SNAP29: variants seen among roughly 807,000 people sequenced by gnomAD.
SNAP29 encodes synaptosomal-associated protein 29.
SNAP29 carries 13 observed loss-of-function variants against 27.9 expected under a neutral mutation model. The ratio of observed to expected loss-of-function variants is 0.47; its 90% confidence interval spans 0.30 to 0.74. The LOEUF is 0.74. Among genes scored for constraint, SNAP29 ranks in the 30% least tolerant of loss-of-function variants. The pLI, the probability that SNAP29 is intolerant of heterozygous loss-of-function variation, is 0.06. For missense variants in SNAP29, 368 were observed against 336.5 expected, an observed-to-expected ratio of 1.09 and a Z score of -0.73; for synonymous variants, 119 against 127.1, an observed-to-expected ratio of 0.94 and a Z score of 0.43.
chr22:20,883,814 G>A (rs541389484), intron 4 of SNAP29, among the ~76,000 whole-genome samples: 1 of 152,196 alleles, frequency 6.6e-6, no homozygotes, highest in South Asian at 2.1e-4. Context: ...CAGGGACCCA[G>A]GAGTCCCTGA....
chr22:20,871,773 T>G (rs1178176219), intron 2 of SNAP29, among the ~76,000 whole-genome samples: 2 of 151,926 alleles, frequency 1.3e-5, no homozygotes, highest in African/African-American at 2.4e-5. Flanking sequence ...TCCCAGCTAC[T>G]CGGGAGGCTG....
rs368789710 is a variant in SNAP29 at position 20,887,812 on chromosome 22, A to G, written c.753A>G (p.Thr251=). 1 of 1,614,082 alleles carries G rather than the reference A, an allele frequency of 6.2e-7. No homozygotes were observed. The highest frequency in any genetic ancestry group is 8.5e-7 in the Non-Finnish European group (1 of 1,180,032). The change falls in exon 5 of 5, where the codon ACA becomes ACG. Residue 251 remains threonine (T), a synonymous_variant. Coordinates refer to ENST00000215730, the MANE Select transcript of SNAP29 (RefSeq NM_004782.4). ...AGTTAGATGTCAACATAAAAAGCACAGAAAGAAAAGTTCGACAACTCTGAA... is the reference window on the plus strand; with the variant it reads ...AGTTAGATGTCAACATAAAAAGCACGGAAAGAAAAGTTCGACAACTCTGAA... ...VDKLDVNIKS[T]ERKVRQL is the part of the protein sequence containing the mutation.
chr22:20,869,978 C>G (rs569901339), intron 1 of SNAP29, among the ~76,000 whole-genome samples: 3 of 152,154 alleles, frequency 2.0e-5, no homozygotes, highest in Non-Finnish European at 4.4e-5. Context: ...ACCATGTTGG[C>G]CAGGCTGGTC....
rs575240461 is a variant in SNAP29 at position 20,888,311 on chromosome 22, TCACACACACACACACACA to T, written c.*503_*520del. The T allele has an allele frequency of 9.7e-5, 17 of 174,662 alleles. No individual in the cohort carries two copies. The highest frequency in any genetic ancestry group is 3.0e-4 in the East Asian group (2 of 6,566). The allele number at this position is 174,662 out of a possible 1,614,324, so 10.8% of individuals were successfully genotyped here. The stretch of plus-strand genomic sequence containing the variant: ...CACACCTTTGTTTAGGAGTCATCAT[TCACACACACACACACACA>T]CACACACACACACACACACACACAC... On this transcript the variant is annotated 3_prime_UTR_variant, in exon 5 of 5. Transcript: ENST00000215730.
intron 3 of SNAP29, 57 bp downstream of exon 3, chr22:20,881,191 T>G: frequency 7.8e-7 from 1 of 1,284,128 alleles, no homozygotes; most frequent in Admixed American, 1.8e-5. Flanking sequence ...GACCTCTAGG[T>G]TTGGCGTTGG....
intron 1 of SNAP29, among the ~76,000 whole-genome samples, chr22:20,863,399 G>A (rs1467489217): frequency 6.6e-6 from 1 of 152,170 alleles, no homozygotes; most frequent in Non-Finnish European, 1.5e-5. Flanking sequence ...TATTAGGTTG[G>A]GAAGATTATA....
chr22:20,864,588 A>G (rs165773), intron 1 of SNAP29, among the ~76,000 whole-genome samples: 75,477 of 152,016 alleles, frequency 0.5, 19,302 homozygotes, highest in African/African-American at 0.6. Flanking sequence ...GTGTGGTGAT[A>G]CTGATGCAGC....
In SNAP29 at chr22:20,888,957, T is replaced by C. The variant is rs770590063; in HGVS notation, c.*1121T>C. 6.6e-6 allele frequency: 1 copy of C among 152,246 alleles called. No individual in the cohort carries two copies. The highest frequency in any genetic ancestry group is 1.5e-5 in the Non-Finnish European group (1 of 68,044). The allele number at this position is 152,246 out of a possible 1,614,324, so 9.4% of individuals were successfully genotyped here. A position where few individuals can be genotyped will look rare whatever the true frequency, so the allele number is the denominator to read the frequency against. On this transcript the variant is annotated 3_prime_UTR_variant, in exon 5 of 5. Transcript: ENST00000215730. The stretch of plus-strand genomic sequence containing the variant: ...CAAAAAGCCCAGATACCATTTTAAC[T>C]GGCCCAGTTCATTTTCTCCTTTCAT...
At chr22:20,875,705 A>C (rs1324490552) in intron 2 of SNAP29, among the ~76,000 whole-genome samples, 1 of 152,236 alleles carries the variant, frequency 6.6e-6, no homozygotes, top group Non-Finnish European at 1.5e-5. Flanking sequence ...CTGTTATCCC[A>C]ACATTTTATA....
At chr22:20,886,162 T>G (rs928250643) in intron 4 of SNAP29, among the ~76,000 whole-genome samples, 4 of 151,930 alleles carry the variant, frequency 2.6e-5, no homozygotes, top group Admixed American at 2.6e-4. Context: ...TTCTTTTCTT[T>G]TCTTTTTTAG....
At chr22:20,877,900 C>G (rs184676795) in intron 2 of SNAP29, among the ~76,000 whole-genome samples, 1 of 152,330 alleles carries the variant, frequency 6.6e-6, no homozygotes, top group African/African-American at 2.4e-5. Flanking sequence ...GTGTCTCTTC[C>G]TACTCCCAGC....
At chr22:20,869,490 A>C (rs1928535024) in intron 1 of SNAP29, among the ~76,000 whole-genome samples, 1 of 152,170 alleles carries the variant, frequency 6.6e-6, no homozygotes, top group Non-Finnish European at 1.5e-5. Flanking sequence ...ACAGGTTTTA[A>C]AGCTGGAATT....
chr22:20,875,504 TG>T (rs1303833301), intron 2 of SNAP29, among the ~76,000 whole-genome samples: 1 of 152,138 alleles, frequency 6.6e-6, no homozygotes, highest in Admixed American at 6.6e-5. Context: ...AGAGGGAGGT[TG>T]GCCCTGGGAA....
chr22:20,869,186 G>A (rs970855667), intron 1 of SNAP29, among the ~76,000 whole-genome samples: 2 of 152,224 alleles, frequency 1.3e-5, no homozygotes, highest in African/African-American at 2.4e-5. Flanking sequence ...CTTGAACACA[G>A]GAGGCAGAAG....
intron 2 of SNAP29, among the ~76,000 whole-genome samples, chr22:20,879,578 G>A (rs1928840064): frequency 6.6e-6 from 1 of 151,942 alleles, no homozygotes; most frequent in Admixed American, 6.6e-5. Context: ...AAGCATGGTG[G>A]CTTATGCCTG....
chr22:20,859,490 C>T lies in SNAP29; in HGVS notation c.237+143C>T. ...CACCTTAGTGACTCGATGGTGGTAA[C>T]AATCTGTTAACTATGTAAAGGTATG... On this transcript the variant is annotated intron_variant, in intron 1 of 4. Transcript: ENST00000215730. 3 of 704,644 alleles carry T rather than the reference C, an allele frequency of 4.3e-6. No homozygotes were observed. In the South Asian group the frequency reaches 4.9e-5, roughly 12 times the overall value. 43.6% of individuals were successfully genotyped at this position (704,644 alleles called of 1,614,324 possible). A position where few individuals can be genotyped will look rare whatever the true frequency, so the allele number is the denominator to read the frequency against.
rs1929109836 is a variant in SNAP29, at chr22:20,889,946, G to A, written c.*2110G>A. On this transcript the variant is annotated 3_prime_UTR_variant, in exon 5 of 5. Transcript: ENST00000215730. ...AGTCACCCGCCCTTCTCTGTTTTTT[G>A]GTTTTTTTTTTCTTAACCCCAGGTA... 8.1e-6 allele frequency: 2 copies of A among 245,796 alleles called. No homozygotes were observed. The highest frequency in any genetic ancestry group is 1.5e-4 in the East Asian group (2 of 13,528). The allele number at this position is 245,796 out of a possible 1,614,324, so 15.2% of individuals were successfully genotyped here. A position where few individuals can be genotyped will look rare whatever the true frequency, so the allele number is the denominator to read the frequency against.
chr22:20,890,153 C>T lies in SNAP29; in HGVS notation c.*2317C>T, dbSNP rs2147876297. On this transcript the variant is annotated 3_prime_UTR_variant, in exon 5 of 5. Coordinates refer to ENST00000215730, the MANE Select transcript of SNAP29 (RefSeq NM_004782.4). Reference sequence around the variant, plus strand: ...TGCCACTTCTTCCCCACTCCCATGCCCAGGAAGGCCTGGTTGCTGATGCTA... The same window carrying T: ...TGCCACTTCTTCCCCACTCCCATGCTCAGGAAGGCCTGGTTGCTGATGCTA... The T allele has an allele frequency of 2.5e-6, 1 of 397,200 alleles. No individual in the cohort carries two copies. The highest frequency in any genetic ancestry group is 4.4e-6 in the Non-Finnish European group (1 of 225,560). 24.6% of individuals were successfully genotyped at this position (397,200 alleles called of 1,614,324 possible).
chr22:20,878,929 G>A (rs1000029728), intron 2 of SNAP29, among the ~76,000 whole-genome samples: 6 of 152,148 alleles, frequency 3.9e-5, no homozygotes, highest in Admixed American at 2.0e-4. Flanking sequence ...ACTAGGCCAC[G>A]GAGCAAAATC....
Sources: allele counts gnomAD v4.1 joint callset (sites outside exome capture counted in the v4.1 genomes callset), GRCh38; gene constraint gnomAD v4.1.1; transcripts MANE v1.5; gene names NCBI Gene and HGNC (gene_info 2026-07-23, HGNC 2026-07-21).